The following SCMH1 variants were observed in gnomAD, a reference collection of about 807,000 sequenced individuals.
SCMH1 encodes Scm polycomb group protein homolog 1.
SCMH1 carries 37 observed loss-of-function variants against 70.8 expected under a neutral mutation model. That is an observed-to-expected ratio of 0.52 (90% CI 0.40 to 0.69). The LOEUF is 0.69. SCMH1 is among the 30% of genes least tolerant of loss of function. SCMH1 has a pLI of 0.00. For missense variants in SCMH1, 607 were observed against 827.3 expected, an observed-to-expected ratio of 0.73 and a Z score of 3.27; for synonymous variants, 292 against 307.4, an observed-to-expected ratio of 0.95 and a Z score of 0.52.
chr1:41,184,609 T>C (rs1170875591), intron 2 of SCMH1, among the ~76,000 whole-genome samples: 1 of 152,154 alleles, frequency 6.6e-6, no homozygotes, highest in African/African-American at 2.4e-5. Flanking sequence ...TGTAGTCTTT[T>C]GATTGGAGGC....
intron 10 of SCMH1, among the ~76,000 whole-genome samples, chr1:41,069,985 G>T (rs890763024): frequency 3.3e-5 from 5 of 152,110 alleles, no homozygotes; most frequent in Non-Finnish European, 7.4e-5. Flanking sequence ...ACAGAATAGG[G>T]TTTCACACAT....
chr1:41,212,076 T>G (rs573764932), intron 1 of SCMH1, among the ~76,000 whole-genome samples: 1 of 152,160 alleles, frequency 6.6e-6, no homozygotes, highest in Non-Finnish European at 1.5e-5. Flanking sequence ...AATGAGTTGA[T>G]GGGTGCAGCA....
chr1:41,176,473 C>T (rs1479669457), intron 2 of SCMH1, among the ~76,000 whole-genome samples: 1 of 152,204 alleles, frequency 6.6e-6, no homozygotes. Flanking sequence ...CTGGGAAGTG[C>T]AAGGGGTCAG....
At chr1:41,207,116 G>A (rs1655743941) in intron 1 of SCMH1, among the ~76,000 whole-genome samples, 2 of 152,184 alleles carry the variant, frequency 1.3e-5, no homozygotes, top group Non-Finnish European at 2.9e-5. Context: ...TCGATGTTAT[G>A]AAGAAACTGC....
chr1:41,158,179 G>A (rs1429614106), intron 4 of SCMH1, among the ~76,000 whole-genome samples: 4 of 152,182 alleles, frequency 2.6e-5, no homozygotes, highest in Non-Finnish European at 5.9e-5. Flanking sequence ...AAGTCTCAGA[G>A]CCATTCCCCA....
intron 5 of SCMH1, among the ~76,000 whole-genome samples, chr1:41,144,786 A>AATC (rs1350409028): frequency 6.6e-6 from 1 of 152,154 alleles, no homozygotes; most frequent in African/African-American, 2.4e-5. Context: ...TTTTGATGTT[A>AATC]GAGTCATCTA....
intron 6 of SCMH1, among the ~76,000 whole-genome samples, chr1:41,128,925 A>C (rs1019673228): frequency 6.6e-6 from 1 of 151,994 alleles, no homozygotes; most frequent in Admixed American, 6.6e-5. Context: ...TCCAACAGTA[A>C]TATGTTGTGG....
At chr1:41,057,763 G>A (rs916765566) in intron 10 of SCMH1, among the ~76,000 whole-genome samples, 1 of 152,148 alleles carries the variant, frequency 6.6e-6, no homozygotes, top group Non-Finnish European at 1.5e-5. Context: ...GATGGGCAGT[G>A]TAAGCAGAGA....
intron 8 of SCMH1, among the ~76,000 whole-genome samples, chr1:41,099,845 C>T (rs551699127): frequency 2.1e-4 from 32 of 152,274 alleles, no homozygotes; most frequent in African/African-American, 7.7e-4. Context: ...GTCTTTAGGA[C>T]CTTGTATGGG....
intron 1 of SCMH1, among the ~76,000 whole-genome samples, chr1:41,213,452 TCTC>T (rs960170652): frequency 1.3e-5 from 2 of 152,134 alleles, no homozygotes; most frequent in African/African-American, 4.8e-5. Flanking sequence ...CCTTCCTCCA[TCTC>T]CTCCTCTGTA....
chr1:41,123,960 T>C (rs1403675106), intron 6 of SCMH1, among the ~76,000 whole-genome samples: 3 of 152,120 alleles, frequency 2.0e-5, no homozygotes, highest in Non-Finnish European at 4.4e-5. Flanking sequence ...CAAGCCCCAT[T>C]ACCTAGAGCT....
chr1:41,088,666 A>G (rs963219828), intron 8 of SCMH1, among the ~76,000 whole-genome samples: 2 of 152,158 alleles, frequency 1.3e-5, no homozygotes, highest in African/African-American at 4.8e-5. Context: ...AATGAATAAC[A>G]TAATTACACT....
chr1:41,183,495 A>T (rs1209300010), intron 2 of SCMH1, among the ~76,000 whole-genome samples: 1 of 152,110 alleles, frequency 6.6e-6, no homozygotes, highest in Non-Finnish European at 1.5e-5. Context: ...TTTATTCCTC[A>T]CAGTCCAGGA....
At chr1:41,048,714 C>T (rs1558437237) in exon 11 of SCMH1, 1 of 1,614,118 alleles carries the variant, frequency 6.2e-7, no homozygotes. Context: ...CCACCATGGC[C>T]TTGCTTGAGG....
intron 1 of SCMH1, among the ~76,000 whole-genome samples, chr1:41,195,795 T>C (rs895548394): frequency 2.0e-5 from 3 of 152,170 alleles, no homozygotes; most frequent in Non-Finnish European, 4.4e-5. Context: ...GCAGATGATA[T>C]ACTCTTATAT....
chr1:41,146,278 T>C (rs915370540), intron 5 of SCMH1, among the ~76,000 whole-genome samples: 6 of 151,944 alleles, frequency 3.9e-5, no homozygotes, highest in African/African-American at 7.3e-5. Flanking sequence ...TCAAGCTAAG[T>C]ATTATTATAA....
At chr1:41,091,765 A>T (rs1256669404) in intron 8 of SCMH1, among the ~76,000 whole-genome samples, 14 of 152,192 alleles carry the variant, frequency 9.2e-5, no homozygotes, top group Admixed American at 6.6e-5. Context: ...TGAACTCCCA[A>T]TCACAATTGC....
At chr1:41,062,146 G>A (rs1193483018) in intron 10 of SCMH1, among the ~76,000 whole-genome samples, 5 of 151,986 alleles carry the variant, frequency 3.3e-5, no homozygotes, top group South Asian at 2.1e-4. Flanking sequence ...GATTACAGGC[G>A]TGAGCCACCG....
At chr1:41,174,657 G>A (rs1646996757) in intron 2 of SCMH1, among the ~76,000 whole-genome samples, 1 of 152,148 alleles carries the variant, frequency 6.6e-6, no homozygotes, top group African/African-American at 2.4e-5. Flanking sequence ...ACCAGTTACA[G>A]AAACAAGAAC....
Sources: allele counts gnomAD v4.1 joint callset (sites outside exome capture counted in the v4.1 genomes callset), GRCh38; gene constraint gnomAD v4.1.1; transcripts MANE v1.5; gene names NCBI Gene and HGNC (gene_info 2026-07-23, HGNC 2026-07-21).